The following GRM8 variants were observed in gnomAD, a reference collection of about 807,000 sequenced individuals.
The protein encoded by GRM8 is glutamate metabotropic receptor 8.
In GRM8, 47 loss-of-function variants were observed where a neutral mutation model predicts 87.2. The observed-to-expected ratio is 0.54, with a 90% CI of 0.43 to 0.69. The LOEUF is 0.69. Among genes scored for constraint, GRM8 ranks in the 30% least tolerant of loss-of-function variants. The pLI is 0.00. For missense variants in GRM8, 1,019 were observed against 1,139.2 expected, an observed-to-expected ratio of 0.89 and a Z score of 1.52; for synonymous variants, 396 against 404.5, an observed-to-expected ratio of 0.98 and a Z score of 0.25.
intron 9 of GRM8, among the ~76,000 whole-genome samples, chr7:126,471,058 T>G (rs2150556210): frequency 6.6e-6 from 1 of 152,316 alleles, no homozygotes; most frequent in East Asian, 1.9e-4. Flanking sequence ...TCTTGTAAAT[T>G]TGTTTGAGTT....
intron 9 of GRM8, among the ~76,000 whole-genome samples, chr7:126,517,225 T>A (rs1050311068): frequency 3.9e-5 from 6 of 152,056 alleles, no homozygotes; most frequent in African/African-American, 1.4e-4. Flanking sequence ...ATTTCTCAAG[T>A]GACCAAATGC....
At chr7:127,037,909 A>G (rs943746401) in intron 3 of GRM8, among the ~76,000 whole-genome samples, 7 of 151,896 alleles carry the variant, frequency 4.6e-5, no homozygotes, top group African/African-American at 1.7e-4. Flanking sequence ...GCCAACTTGG[A>G]TGCTTTTAAT....
At chr7:126,553,984 C>T (rs960658457) in intron 8 of GRM8, among the ~76,000 whole-genome samples, 3 of 152,056 alleles carry the variant, frequency 2.0e-5, no homozygotes, top group Admixed American at 1.3e-4. Flanking sequence ...CTCTTTTGTA[C>T]TTTATTTTAT....
chr7:126,788,512 T>C (rs1239454652), intron 6 of GRM8, among the ~76,000 whole-genome samples: 1 of 151,738 alleles, frequency 6.6e-6, no homozygotes, highest in Admixed American at 6.6e-5. Flanking sequence ...TACTACATCT[T>C]CTTTATATTT....
intron 3 of GRM8, among the ~76,000 whole-genome samples, chr7:126,924,163 G>T (rs374982659): frequency 6.6e-6 from 1 of 152,246 alleles, no homozygotes; most frequent in East Asian, 1.9e-4. Context: ...GCAATAGGGG[G>T]AATGGTCTCA....
chr7:127,042,832 C>A (rs545594297), intron 3 of GRM8, among the ~76,000 whole-genome samples: 36 of 152,268 alleles, frequency 2.4e-4, no homozygotes, highest in African/African-American at 8.2e-4. Context: ...AGGCAACCTA[C>A]AGAATGGGAG....
intron 3 of GRM8, among the ~76,000 whole-genome samples, chr7:126,994,185 G>A (rs1812951012): frequency 6.6e-6 from 1 of 152,034 alleles, no homozygotes; most frequent in Non-Finnish European, 1.5e-5. Context: ...GAGTAGTGAG[G>A]CCTGCATCCT....
chr7:126,543,555 T>C (rs994512632), intron 8 of GRM8, among the ~76,000 whole-genome samples: 5 of 152,200 alleles, frequency 3.3e-5, no homozygotes, highest in African/African-American at 4.8e-5. Flanking sequence ...TAAAATGCCA[T>C]GTGAATAGGT....
intron 3 of GRM8, among the ~76,000 whole-genome samples, chr7:127,088,550 T>G (rs890683091): frequency 1.3e-5 from 2 of 152,214 alleles, no homozygotes; most frequent in East Asian, 3.8e-4. Flanking sequence ...GTAACTGAAT[T>G]TAACATATGT....
chr7:126,495,133 T>A (rs1808546371), intron 9 of GRM8, among the ~76,000 whole-genome samples: 1 of 151,946 alleles, frequency 6.6e-6, no homozygotes, highest in Admixed American at 6.6e-5. Context: ...CAGAGCCAGG[T>A]CCAAGGCTAA....
intron 9 of GRM8, among the ~76,000 whole-genome samples, chr7:126,504,184 A>AT (rs1232289682): frequency 6.6e-6 from 1 of 152,068 alleles, no homozygotes; most frequent in African/African-American, 2.4e-5. Context: ...CAGACACTCT[A>AT]TTTTCACAGA....
chr7:126,622,151 C>T (rs1036259315), intron 7 of GRM8, among the ~76,000 whole-genome samples: 1 of 152,154 alleles, frequency 6.6e-6, no homozygotes, highest in Admixed American at 6.6e-5. Flanking sequence ...CAGGACTAGG[C>T]TGAGGCAAAT....
chr7:126,892,335 G>A (rs745658033), intron 6 of GRM8, among the ~76,000 whole-genome samples: 5 of 151,880 alleles, frequency 3.3e-5, no homozygotes, highest in Non-Finnish European at 5.9e-5. Context: ...CCCTTCCTGT[G>A]TCCATGTGTT....
Position 127,182,740 on chromosome 7 carries a change from C to T in GRM8, c.510+59955G>A, listed in dbSNP as rs941984661. On this transcript the variant is annotated intron_variant, in intron 2 of 10. Coordinates refer to ENST00000339582, the MANE Select transcript of GRM8 (RefSeq NM_000845.3). ...CATAAAAATGGATAAATTAACAGCACTTGCAGTCACTTAGATGAGATTGGA... is the reference window on the plus strand; with the variant it reads ...CATAAAAATGGATAAATTAACAGCATTTGCAGTCACTTAGATGAGATTGGA... Among the ~76,000 whole-genome samples the T allele has an allele frequency of 8.6e-5, 13 of 151,340 alleles. No individual in the cohort carries two copies. In the South Asian group the frequency reaches 2.3e-3, roughly 27 times the overall value.
At chr7:126,517,172 C>T in intron 9 of GRM8, among the ~76,000 whole-genome samples, 1 of 151,974 alleles carries the variant, frequency 6.6e-6, no homozygotes, top group Non-Finnish European at 1.5e-5. Flanking sequence ...CTTATAGGTA[C>T]TATAGTTACT....
rs1554580043 is a variant in GRM8 at position 127,053,798 on chromosome 7, A to AAG, written c.727+52697_727+52698insCT. On this transcript the variant is annotated intron_variant, in intron 3 of 10. Coordinates refer to ENST00000339582, the MANE Select transcript of GRM8 (RefSeq NM_000845.3). Reference sequence around the variant, plus strand: ...GCGAGACTCTGTCTCAAAAAAAAAAAGGGGGGGGGGAATATACATTTCATC... The same window carrying AAG: ...GCGAGACTCTGTCTCAAAAAAAAAAAAGGGGGGGGGGGAATATACATTTCATC... Among the ~76,000 whole-genome samples the AAG allele has an allele frequency of 1.8e-4, 19 of 104,420 alleles. 1 individual carries two copies. The highest frequency in any genetic ancestry group is 4.2e-4 in the African/African-American group (11 of 26,364). 68.5% of individuals were successfully genotyped at this position (104,420 alleles called of 152,430 possible).
At chr7:127,085,884 C>T (rs1467645006) in intron 3 of GRM8, among the ~76,000 whole-genome samples, 1 of 152,114 alleles carries the variant, frequency 6.6e-6, no homozygotes, top group African/African-American at 2.4e-5. Context: ...TTGCCCATGC[C>T]TATGTCCTGA....
chr7:127,016,561 A>T lies in GRM8; in HGVS notation c.727+89935T>A, dbSNP rs531542321. Among the ~76,000 whole-genome samples the T allele has an allele frequency of 2.0e-5, 3 of 152,230 alleles. No individual in the cohort carries two copies. The South Asian group carries it at 6.2e-4, about 32-fold the overall frequency. ...TATCAAAAAACCTCTCCAACAGAAC[A>T]TGGTGACAGAGATAAATTTCAGTTT... On this transcript the variant is annotated intron_variant, in intron 3 of 10. Coordinates refer to ENST00000339582, the MANE Select transcript of GRM8 (RefSeq NM_000845.3).
intron 2 of GRM8, among the ~76,000 whole-genome samples, chr7:127,240,698 T>C (rs554640509): frequency 2.0e-5 from 3 of 152,248 alleles, no homozygotes; most frequent in South Asian, 4.1e-4. Flanking sequence ...AGAAAAGAGA[T>C]GCCTTGGAGC....
Sources: allele counts gnomAD v4.1 joint callset (sites outside exome capture counted in the v4.1 genomes callset), GRCh38; gene constraint gnomAD v4.1.1; transcripts MANE v1.5; gene names NCBI Gene and HGNC (gene_info 2026-07-23, HGNC 2026-07-21).